HMGN4: variants seen among roughly 807,000 people sequenced by gnomAD.
HMGN4 encodes high mobility group nucleosomal binding domain 4, also known as high mobility group nucleosome-binding domain-containing protein 4.
For synonymous variants in HMGN4, 39 were observed against 39.1 expected (o/e 1.00, Z 0.01); for missense variants, 69 against 104.9 (o/e 0.66, Z 1.49).
Position 26,542,058 on chromosome 6 carries a change from AGTT to A in HMGN4, c.-80-3066_-80-3064del, listed in dbSNP as rs1268009574. 6.6e-6 allele frequency among the ~76,000 whole-genome samples: 1 copy of A among 152,234 alleles called. No homozygotes were observed. Among genetic ancestry groups the A allele is most frequent in the Non-Finnish European group, 1.5e-5 (1 of 68,036 alleles). ...AAAGTCATTTCTCTATGTTTCCAAA[AGTT>A]GTACAATTACTAGTAAGATTTATCT... On this transcript the variant is annotated intron_variant, in intron 1 of 1. Coordinates refer to ENST00000377575, the MANE Select transcript of HMGN4 (RefSeq NM_006353.3). This position sits in a 1 kb window ranked among gnomAD's most constrained non-coding sequence, Gnocchi z 4.6.
In HMGN4 at chr6:26,539,336, G is replaced by T. The variant is rs368337284; in HGVS notation, c.-81+835G>T. 3.9e-5 allele frequency among the ~76,000 whole-genome samples: 6 copies of T among 152,312 alleles called. No individual in the cohort carries two copies. In the East Asian group the frequency reaches 7.7e-4, roughly 20 times the overall value. On this transcript the variant is annotated intron_variant, in intron 1 of 1. Transcript: ENST00000377575. The stretch of plus-strand genomic sequence containing the variant: ...CTCACTCTGTTGTCCAGGCTGGGGT[G>T]CAATGGTGCGATCTCGCTCACTGCA...
chr6:26,542,004 G>A lies in HMGN4; in HGVS notation c.-80-3123G>A, dbSNP rs1764292062. Among the ~76,000 whole-genome samples the A allele has an allele frequency of 6.6e-6, 1 of 152,178 alleles. No homozygotes were observed. The highest frequency in any genetic ancestry group is 6.5e-5 in the Admixed American group (1 of 15,278). The stretch of plus-strand genomic sequence containing the variant: ...GGAAAATAACTTCAGTATCTGTCTT[G>A]ATAATTTCTTGCCCTGATGATACCA... On this transcript the variant is annotated intron_variant, in intron 1 of 1. Transcript: ENST00000377575. This position sits in a 1 kb window ranked among gnomAD's most constrained non-coding sequence, Gnocchi z 4.6.
At chr6:26,544,997 T>C (rs1469056138) in intron 1 of HMGN4, 130 bp from the exon 2 acceptor site, 5 of 326,438 alleles carry the variant, frequency 1.5e-5, no homozygotes, top group Non-Finnish European at 2.3e-5. Context: ...CTGGTACTTA[T>C]TGTTTTACTT....
At chr6:26,543,024 T>C (rs1764305550) in intron 1 of HMGN4, among the ~76,000 whole-genome samples, 1 of 152,172 alleles carries the variant, frequency 6.6e-6, no homozygotes, top group South Asian at 2.1e-4. Flanking sequence ...GGCCAAAATC[T>C]CACTTTTTGG....
intron 1 of HMGN4, among the ~76,000 whole-genome samples, chr6:26,543,491 G>A (rs1764311827): frequency 7.5e-6 from 1 of 133,188 alleles, no homozygotes. Flanking sequence ...GCACAATCTC[G>A]GCTCACTGCA....
intron 1 of HMGN4, among the ~76,000 whole-genome samples, chr6:26,539,346 G>A (rs147909005): frequency 3.3e-5 from 5 of 152,242 alleles, no homozygotes; most frequent in African/African-American, 1.2e-4. Flanking sequence ...GCAATGGTGC[G>A]ATCTCGCTCA....
At chr6:26,541,140 G>A (rs1284530363) in intron 1 of HMGN4, among the ~76,000 whole-genome samples, 2 of 152,002 alleles carry the variant, frequency 1.3e-5, no homozygotes, top group Non-Finnish European at 2.9e-5. Flanking sequence ...TCTGCCTCCC[G>A]GGTTCAAGCA....
At chr6:26,538,556 G>A (rs922699397) in intron 1 of HMGN4, 55 bp downstream of exon 1, 3 of 152,462 alleles carry the variant, frequency 2.0e-5, no homozygotes, top group Non-Finnish European at 4.4e-5. Context: ...GCGTGGTGGG[G>A]GGGGTCCCGC....
intron 1 of HMGN4, among the ~76,000 whole-genome samples, chr6:26,539,474 T>C (rs1326140774): frequency 6.6e-6 from 1 of 151,908 alleles, no homozygotes; most frequent in Non-Finnish European, 1.5e-5. Context: ...TTTCACCATA[T>C]TGGCCAGGCT....
At position 26,545,122 on chromosome 6, in the gene HMGN4, T is replaced by A; in HGVS notation, c.-80-5T>A. On this transcript the variant is annotated splice_region_variant and splice_polypyrimidine_tract_variant and intron_variant, in intron 1 of 1. Coordinates refer to ENST00000377575, the MANE Select transcript of HMGN4 (RefSeq NM_006353.3). ...ATGGTTTACGCTTTTTGTGTCTTGT[T>A]AAAGACATCTTTCCAGGAACAGCGT... The A allele has an allele frequency of 8.3e-7, 1 of 1,210,088 alleles. No homozygotes were observed. 75.0% of individuals were successfully genotyped at this position (1,210,088 alleles called of 1,614,324 possible).
At chr6:26,539,968 G>C (rs538951856) in intron 1 of HMGN4, 102 of 152,310 alleles carry the variant, frequency 6.7e-4, no homozygotes, top group African/African-American at 2.4e-3. Context: ...GAGATGACAA[G>C]GATTTATCCT....
At chr6:26,543,325 T>C in intron 1 of HMGN4, among the ~76,000 whole-genome samples, 1 of 149,772 alleles carries the variant, frequency 6.7e-6, no homozygotes, top group African/African-American at 2.5e-5. Context: ...AAATTAGCAA[T>C]AAATTCATGT....
chr6:26,538,623 C>T (rs919051410), intron 1 of HMGN4, 122 bp downstream of exon 1: 2 of 153,864 alleles, frequency 1.3e-5, no homozygotes, highest in African/African-American at 4.8e-5. Flanking sequence ...GATTAGGGGC[C>T]TTGGGCCCCG....
At position 26,545,975 on chromosome 6, in the gene HMGN4, G is replaced by A. The variant is rs909113009; in HGVS notation, c.*496G>A. The A allele has an allele frequency of 1.2e-5, 2 of 167,074 alleles. No individual in the cohort carries two copies. The highest frequency in any genetic ancestry group is 2.9e-5 in the Non-Finnish European group (2 of 68,140). 10.3% of individuals were successfully genotyped at this position (167,074 alleles called of 1,614,324 possible). A position where few individuals can be genotyped will look rare whatever the true frequency, so the allele number is the denominator to read the frequency against. Reference sequence around the variant, plus strand: ...GTCACTTAAAAGAGCCAAGATTCCTGTTTTCAGTTTGTGGATTCATCCTGC... The same window carrying A: ...GTCACTTAAAAGAGCCAAGATTCCTATTTTCAGTTTGTGGATTCATCCTGC... On this transcript the variant is annotated 3_prime_UTR_variant, in exon 2 of 2. Transcript: ENST00000377575.
At position 26,545,386 on chromosome 6, in the gene HMGN4, A is replaced by G. The variant is rs894960976; in HGVS notation, c.180A>G (p.Ala60=). The G allele has an allele frequency of 1.2e-6, 2 of 1,613,850 alleles. No individual in the cohort carries two copies. Among genetic ancestry groups the G allele is most frequent in the African/African-American group, 2.7e-5 (2 of 74,878 alleles). ...EKLPKGRKGK[A]DAGKDGNNPA... is the part of the protein sequence containing the mutation. ...TTCCCAAAGGGAGAAAGGGGAAAGC[A>G]GATGCTGGAAAGGATGGGAACAACC... The change falls in exon 2 of 2, where the codon GCA becomes GCG. Residue 60 remains alanine (A), a synonymous_variant. Coordinates refer to ENST00000377575, the MANE Select transcript of HMGN4 (RefSeq NM_006353.3).
intron 1 of HMGN4, among the ~76,000 whole-genome samples, chr6:26,541,107 C>T (rs949395732): frequency 1.1e-4 from 16 of 152,102 alleles, no homozygotes; most frequent in Middle Eastern, 6.3e-3. Context: ...AGTGCAGTGG[C>T]GCAATCTCGG....
intron 1 of HMGN4, 51 bp downstream of exon 1, chr6:26,538,552 T>TGGGG (rs397729862): frequency 4.6e-5 from 7 of 151,598 alleles, no homozygotes; most frequent in African/African-American, 1.7e-4. Flanking sequence ...AGGGGCGTGG[T>TGGGG]GGGGGGGGTC....
intron 1 of HMGN4, among the ~76,000 whole-genome samples, chr6:26,541,073 A>G (rs1202763280): frequency 6.6e-6 from 1 of 151,958 alleles, no homozygotes; most frequent in Non-Finnish European, 1.5e-5. Flanking sequence ...TTGAAACAGA[A>G]TCTCACTCTA....
In HMGN4 at chr6:26,545,537, T is replaced by C; in HGVS notation, c.*58T>C. On this transcript the variant is annotated 3_prime_UTR_variant, in exon 2 of 2. Transcript: ENST00000377575. The stretch of plus-strand genomic sequence containing the variant: ...TGACTCTACTGTTTGAAATACTATT[T>C]TTTTAAATCAAGTTTTATAAAAGTG... 1.4e-6 allele frequency: 2 copies of C among 1,441,618 alleles called. No homozygotes were observed. Among genetic ancestry groups the C allele is most frequent in the Non-Finnish European group, 1.8e-6 (2 of 1,083,210 alleles). The allele number at this position is 1,441,618 out of a possible 1,614,324, so 89.3% of individuals were successfully genotyped here.
Sources: allele counts gnomAD v4.1 joint callset (sites outside exome capture counted in the v4.1 genomes callset), GRCh38; gene constraint gnomAD v4.1.1; non-coding constraint Gnocchi (gnomAD v3.1); transcripts MANE v1.5; gene names NCBI Gene and HGNC (gene_info 2026-07-23, HGNC 2026-07-21).